IL1RAPL1: variants seen among roughly 807,000 people sequenced by gnomAD.
IL1RAPL1 encodes interleukin-1 receptor accessory protein-like 1.
IL1RAPL1 carries 3 observed loss-of-function variants against 48.4 expected under a neutral mutation model. The observed-to-expected ratio is 0.06, with a 90% confidence interval of 0.03 to 0.16. The LOEUF (loss-of-function observed/expected upper bound fraction) is 0.16. IL1RAPL1 is among the 10% of genes least tolerant of loss of function. The pLI is 1.00. For synonymous variants in IL1RAPL1, 185 were observed against 187.7 expected (o/e 0.99, Z 0.12); for missense variants, 349 against 530.6 (o/e 0.66, Z 3.36).
intron 1 of IL1RAPL1, among the ~76,000 whole-genome samples, chrX:28,751,736 A>G (rs187068449): frequency 1.8e-5 from 2 of 112,278 alleles, no homozygotes; most frequent in Admixed American, 1.9e-4. Context: ...CAAATAAATG[A>G]AAGAATAAGT....
intron 5 of IL1RAPL1, among the ~76,000 whole-genome samples, chrX:29,622,086 G>T (rs1924480179): frequency 8.9e-6 from 1 of 112,240 alleles, no homozygotes; most frequent in Non-Finnish European, 1.9e-5. Flanking sequence ...GCAAAAGACG[G>T]ATTTCATTTT....
At chrX:29,416,494 G>A (rs1052698349) in intron 5 of IL1RAPL1, among the ~76,000 whole-genome samples, 2 of 110,837 alleles carry the variant, frequency 1.8e-5, no homozygotes, top group Admixed American at 9.7e-5. Flanking sequence ...CCAAAATCGC[G>A]CCACTGCACT....
chrX:29,714,954 C>T (rs772364963), intron 6 of IL1RAPL1, among the ~76,000 whole-genome samples: 46 of 112,068 alleles, frequency 4.1e-4, no homozygotes, highest in African/African-American at 1.3e-3. Context: ...TCTCCCCAGA[C>T]ACACTGACCA....
chrX:29,433,541 C>T (rs1398579467), intron 5 of IL1RAPL1, among the ~76,000 whole-genome samples: 2 of 111,169 alleles, frequency 1.8e-5, no homozygotes, highest in Non-Finnish European at 3.8e-5. Context: ...TAGAGAGGCA[C>T]ATACATTTAA....
chrX:29,753,600 T>C (rs1928541415), intron 6 of IL1RAPL1, among the ~76,000 whole-genome samples: 1 of 111,755 alleles, frequency 8.9e-6, no homozygotes, highest in African/African-American at 3.2e-5. Context: ...CAAATAATTA[T>C]TTCTGGCTCT....
At chrX:29,824,594 T>C (rs999377240) in intron 6 of IL1RAPL1, among the ~76,000 whole-genome samples, 1 of 112,525 alleles carries the variant, frequency 8.9e-6, no homozygotes, top group African/African-American at 3.2e-5. Flanking sequence ...GCTAAACATT[T>C]GAAAGCTTCT....
intron 2 of IL1RAPL1, among the ~76,000 whole-genome samples, chrX:28,962,335 A>T (rs932956096): frequency 1.8e-5 from 2 of 112,040 alleles, no homozygotes; most frequent in African/African-American, 6.5e-5. Flanking sequence ...TTGGCTTAAA[A>T]TTCAAACTAC....
At chrX:29,490,086 C>T (rs758774282) in intron 5 of IL1RAPL1, among the ~76,000 whole-genome samples, 177 of 111,548 alleles carry the variant, frequency 1.6e-3, no homozygotes, top group African/African-American at 5.7e-3. Context: ...GGGTAGGACA[C>T]TTCTCATTTT....
chrX:29,581,671 G>T (rs1787561344), intron 5 of IL1RAPL1, among the ~76,000 whole-genome samples: 1 of 110,584 alleles, frequency 9.0e-6, no homozygotes, highest in South Asian at 3.8e-4. Flanking sequence ...TTAAATCTTC[G>T]AATTCTTGTA....
chrX:29,260,779 G>T (rs1931841710), intron 2 of IL1RAPL1, among the ~76,000 whole-genome samples: 1 of 110,313 alleles, frequency 9.1e-6, no homozygotes, highest in African/African-American at 3.3e-5. Flanking sequence ...GTATTACCCA[G>T]AATACTCTAT....
At chrX:28,794,044 C>T (rs933211910) in intron 2 of IL1RAPL1, among the ~76,000 whole-genome samples, 13 of 109,974 alleles carry the variant, frequency 1.2e-4, no homozygotes, top group Admixed American at 9.7e-5. Flanking sequence ...AGGACCAAAA[C>T]GATATTAGAA....
At chrX:29,264,193 C>T (rs1259094392) in intron 2 of IL1RAPL1, among the ~76,000 whole-genome samples, 1 of 111,613 alleles carries the variant, frequency 9.0e-6, no homozygotes, top group African/African-American at 3.3e-5. Flanking sequence ...GCTCTCAGCA[C>T]AAATTGGCCC....
intron 5 of IL1RAPL1, among the ~76,000 whole-genome samples, chrX:29,413,575 G>T (rs756537086): frequency 2.0e-5 from 2 of 99,937 alleles, no homozygotes; most frequent in Non-Finnish European, 2.0e-5. Flanking sequence ...TCGTTGTTCA[G>T]TTCCCACCTA....
chrX:29,476,053 C>T (rs751146247), intron 5 of IL1RAPL1, among the ~76,000 whole-genome samples: 7 of 111,383 alleles, frequency 6.3e-5, no homozygotes, highest in South Asian at 7.6e-4. Context: ...TAAGGGCATC[C>T]GTGTCTTGCA....
chrX:29,880,106 G>A (rs926967699), intron 6 of IL1RAPL1, among the ~76,000 whole-genome samples: 1 of 110,918 alleles, frequency 9.0e-6, no homozygotes, highest in Admixed American at 9.7e-5. Context: ...TCCACTCACA[G>A]GTATTTCAGT....
chrX:29,270,367 A>G (rs1235030377), intron 2 of IL1RAPL1, among the ~76,000 whole-genome samples: 1 of 112,108 alleles, frequency 8.9e-6, no homozygotes, highest in Non-Finnish European at 1.9e-5. Context: ...CAAAGTCACA[A>G]AGATTCTCTC....
intron 6 of IL1RAPL1, among the ~76,000 whole-genome samples, chrX:29,762,855 T>C (rs903703647): frequency 2.7e-5 from 3 of 111,039 alleles, no homozygotes; most frequent in Non-Finnish European, 5.7e-5. Flanking sequence ...CACAATTTAA[T>C]TGGGATCAGG....
In IL1RAPL1 at chrX:29,796,854, A is replaced by G. The variant is rs1036282584; in HGVS notation, c.779-120610A>G. 2.7e-5 allele frequency among the ~76,000 whole-genome samples: 3 copies of G among 112,569 alleles called. No individual in the cohort carries two copies. In the South Asian group the frequency reaches 1.1e-3, roughly 41 times the overall value. ...TCAATTTCCTGTTCACTCTGGCCAC[A>G]CAGTCTTTCCTCTTGTTTCAAATGG... On this transcript the variant is annotated intron_variant, in intron 6 of 10. Transcript: ENST00000378993.
chrX:29,603,800 AAGCTATATTTTCATTGTTAAAGTGAAAC>A (rs1437891325), intron 5 of IL1RAPL1, among the ~76,000 whole-genome samples: 2 of 112,549 alleles, frequency 1.8e-5, no homozygotes, highest in African/African-American at 6.5e-5. Flanking sequence ...TTATTTTTTA[AAGCTATATTTTCATTGTTAAAGTGAAAC>A]CTCCATTTTG....
Sources: gnomAD v4.1 joint callset for allele counts (sites outside exome capture counted in the v4.1 genomes callset) on GRCh38, gnomAD v4.1.1 for gene constraint, MANE v1.5 for transcripts, NCBI Gene and HGNC (gene_info 2026-07-23, HGNC 2026-07-21) for gene names.